Variants in WWOX observed in about 807,000 individuals in gnomAD.
WWOX encodes the protein WW domain containing oxidoreductase, also known as WW domain-containing oxidoreductase.
A neutral mutation model predicts 46.2 loss-of-function variants in WWOX; 69 were observed. The ratio of observed to expected loss-of-function variants is 1.49; its 90% confidence interval spans 1.23 to 1.82. The LOEUF (loss-of-function observed/expected upper bound fraction) is 1.82, where lower values mean the gene tolerates loss of function less well. Ranked by LOEUF, WWOX falls within the 40% of genes most tolerant of loss-of-function variation. WWOX has a pLI of 0.00. For synonymous variants in WWOX, 359 were observed against 202.6 expected, an observed-to-expected ratio of 1.77 and a Z score of -6.56; for missense variants, 919 against 542.6, an observed-to-expected ratio of 1.69 and a Z score of -6.89.
chr16:78,322,813 G>C (rs991942704), intron 5 of WWOX, among the ~76,000 whole-genome samples: 1 of 152,198 alleles, frequency 6.6e-6, no homozygotes, highest in African/African-American at 2.4e-5. Context: ...AGCCATGGAC[G>C]CTACGTAAGA....
intron 8 of WWOX, chr16:78,534,664 T>C (rs2043713833): frequency 6.6e-6 from 1 of 152,104 alleles, no homozygotes; most frequent in Non-Finnish European, 1.5e-5. Context: ...TAAAACTACA[T>C]GTTTTGGGGG....
chr16:78,654,280 A>G (rs138901555), intron 8 of WWOX, among the ~76,000 whole-genome samples: 2 of 152,362 alleles, frequency 1.3e-5, no homozygotes, highest in African/African-American at 4.8e-5. Flanking sequence ...GCTTAGTGAT[A>G]TGAGAATTAT....
intron 8 of WWOX, among the ~76,000 whole-genome samples, chr16:79,012,463 C>T (rs574400926): frequency 4.3e-4 from 66 of 152,212 alleles, no homozygotes; most frequent in African/African-American, 1.6e-3. Flanking sequence ...GAACTCCTGA[C>T]CTCAAAAGTG....
At chr16:79,025,691 C>T (rs542085584) in intron 8 of WWOX, among the ~76,000 whole-genome samples, 1 of 152,278 alleles carries the variant, frequency 6.6e-6, no homozygotes, top group South Asian at 2.1e-4. Context: ...AGCTACCACA[C>T]AGATGCAGGA....
intron 8 of WWOX, among the ~76,000 whole-genome samples, chr16:78,970,081 C>G (rs572950172): frequency 6.6e-6 from 1 of 152,254 alleles, no homozygotes; most frequent in East Asian, 1.9e-4. Context: ...TCAAATTTCC[C>G]AAGTGCCCTC....
At chr16:78,402,107 A>G (rs1266720289) in intron 6 of WWOX, among the ~76,000 whole-genome samples, 1 of 152,224 alleles carries the variant, frequency 6.6e-6, no homozygotes, top group Non-Finnish European at 1.5e-5. Context: ...CTCCAAAAAG[A>G]AATCTCATAA....
At chr16:78,760,010 A>T (rs189523842) in intron 8 of WWOX, among the ~76,000 whole-genome samples, 1 of 152,260 alleles carries the variant, frequency 6.6e-6, no homozygotes, top group African/African-American at 2.4e-5. Flanking sequence ...TAGGCCCACC[A>T]GGCTCATCCA....
At chr16:78,656,060 A>T (rs2047073385) in intron 8 of WWOX, among the ~76,000 whole-genome samples, 1 of 152,184 alleles carries the variant, frequency 6.6e-6, no homozygotes, top group South Asian at 2.1e-4. Flanking sequence ...GGTGTGGGTT[A>T]TTCTTCTCTC....
intron 8 of WWOX, among the ~76,000 whole-genome samples, chr16:78,689,153 C>A (rs1037296958): frequency 6.6e-6 from 1 of 152,132 alleles, no homozygotes; most frequent in Admixed American, 6.5e-5. Context: ...CACAGGACTC[C>A]CACCCTCTAC....
intron 8 of WWOX, among the ~76,000 whole-genome samples, chr16:79,169,301 A>G (rs935052435): frequency 6.6e-6 from 1 of 152,198 alleles, no homozygotes; most frequent in Non-Finnish European, 1.5e-5. Flanking sequence ...GTTAGAAAGC[A>G]CAAAGGACTT....
intron 8 of WWOX, among the ~76,000 whole-genome samples, chr16:78,933,765 C>T (rs768378231): frequency 1.3e-5 from 2 of 152,096 alleles, no homozygotes; most frequent in African/African-American, 4.8e-5. Context: ...ATCACGAGAA[C>T]AGCATGGGAA....
intron 5 of WWOX, among the ~76,000 whole-genome samples, chr16:78,227,884 A>C (rs980988198): frequency 6.6e-6 from 1 of 151,984 alleles, no homozygotes; most frequent in Non-Finnish European, 1.5e-5. Context: ...TCAAAAAACA[A>C]ACAAAAAGAA....
chr16:78,355,653 T>C, intron 5 of WWOX: 1 of 674,788 alleles, frequency 1.5e-6, no homozygotes, highest in Non-Finnish European at 2.6e-6. Context: ...CGAGGCAGAT[T>C]ACATACTTAT....
intron 8 of WWOX, among the ~76,000 whole-genome samples, chr16:78,659,495 C>T (rs1320505497): frequency 1.3e-5 from 2 of 152,008 alleles, no homozygotes; most frequent in Non-Finnish European, 2.9e-5. Flanking sequence ...CCAGGGGATT[C>T]TGTGGTGCCT....
At chr16:79,013,070 C>CA (rs1340038538) in intron 8 of WWOX, among the ~76,000 whole-genome samples, 12 of 152,056 alleles carry the variant, frequency 7.9e-5, no homozygotes, top group African/African-American at 1.2e-4. Flanking sequence ...CTCCGTTTCA[C>CA]AAAAAAAGGA....
At chr16:78,938,774 C>A (rs1013858939) in intron 8 of WWOX, among the ~76,000 whole-genome samples, 1 of 151,854 alleles carries the variant, frequency 6.6e-6, no homozygotes, top group East Asian at 1.9e-4. Flanking sequence ...TGAGGTATGG[C>A]CCATTATACC....
chr16:78,479,589 C>A (rs1462346341), intron 8 of WWOX, among the ~76,000 whole-genome samples: 1 of 152,134 alleles, frequency 6.6e-6, no homozygotes, highest in Non-Finnish European at 1.5e-5. Flanking sequence ...AGACATGTCC[C>A]ATTCCCTAGA....
chr16:78,477,477 C>T (rs900166739), intron 8 of WWOX, among the ~76,000 whole-genome samples: 1 of 151,926 alleles, frequency 6.6e-6, no homozygotes, highest in African/African-American at 2.4e-5. Context: ...CTTATTAAAC[C>T]TCACCTCTGG....
chr16:78,672,397 C>G (rs903134154), intron 8 of WWOX, among the ~76,000 whole-genome samples: 3 of 152,124 alleles, frequency 2.0e-5, no homozygotes, highest in South Asian at 2.1e-4. Context: ...ATTGAAGACA[C>G]CAGAAAATAG....
Sources: allele counts gnomAD v4.1 joint callset (sites outside exome capture counted in the v4.1 genomes callset), GRCh38; gene constraint gnomAD v4.1.1; transcripts MANE v1.5; gene names NCBI Gene and HGNC (gene_info 2026-07-23, HGNC 2026-07-21).